The following KIAA1217 variants were observed in gnomAD, a reference collection of about 807,000 sequenced individuals.
The protein encoded by KIAA1217 is KIAA1217.
KIAA1217 carries 88 observed loss-of-function variants against 163.9 expected under a neutral mutation model. The ratio of observed to expected loss-of-function variants is 0.54; its 90% CI spans 0.45 to 0.64. The LOEUF is 0.64. Among genes scored for constraint, KIAA1217 ranks in the 30% least tolerant of loss-of-function variants. KIAA1217 has a pLI of 0.00. For missense variants in KIAA1217, 2,372 were observed against 2,475.0 expected, an observed-to-expected ratio of 0.96 and a Z score of 0.88; for synonymous variants, 903 against 923.1, an observed-to-expected ratio of 0.98 and a Z score of 0.39.
chr10:23,940,749 G>T (rs1258044404), intron 1 of KIAA1217, among the ~76,000 whole-genome samples: 1 of 152,150 alleles, frequency 6.6e-6, no homozygotes, highest in Non-Finnish European at 1.5e-5. Context: ...TATATTCTGT[G>T]ACAAGGGAAT....
chr10:24,293,211 TTTG>T lies in KIAA1217; in HGVS notation c.354+73317_354+73319del, dbSNP rs566985954. On this transcript the variant is annotated intron_variant, in intron 2 of 20. Transcript: ENST00000376454. ...GCATGTGCCACCATGCCCGGCTAAT[TTTG>T]TTGTTGTTGTTGTTTGTTTTGTTTG... is the stretch of plus-strand genomic sequence containing the variant. 6.6e-5 allele frequency among the ~76,000 whole-genome samples: 10 copies of T among 151,992 alleles called. No individual in the cohort carries two copies. In the East Asian group the frequency reaches 1.4e-3, roughly 21 times the overall value.
rs115867091 is a variant in KIAA1217, at chr10:24,545,559, C to T, written c.5335-268C>T. The T allele has an allele frequency of 1.9e-3, 2,521 of 1,349,522 alleles. 40 individuals carry two copies. The African/African-American group carries it at 0.034, about 18-fold the overall frequency. The allele number at this position is 1,349,522 out of a possible 1,614,324, so 83.6% of individuals were successfully genotyped here. A position where few individuals can be genotyped will look rare whatever the true frequency, so the allele number is the denominator to read the frequency against. The stretch of plus-strand genomic sequence containing the variant: ...TTATCCAGACGCATGGCCCACCTGG[C>T]ACACAGGAAATGGTAGAGCTGGAAT... On this transcript the variant is annotated intron_variant, in intron 20 of 20. Transcript: ENST00000376454.
chr10:24,481,697 C>G (rs1163500929), intron 6 of KIAA1217: 1 of 152,136 alleles, frequency 6.6e-6, no homozygotes, highest in Non-Finnish European at 1.5e-5. Flanking sequence ...AATGACAAGC[C>G]TGCCATAATT....
intron 1 of KIAA1217, among the ~76,000 whole-genome samples, chr10:23,792,578 C>T (rs1323353719): frequency 2.0e-5 from 3 of 151,662 alleles, no homozygotes; most frequent in South Asian, 2.1e-4. Context: ...CTGCAAGCTC[C>T]GCCTCCCGGG....
intron 1 of KIAA1217, among the ~76,000 whole-genome samples, chr10:23,951,127 G>C (rs963479035): frequency 6.6e-6 from 1 of 152,270 alleles, no homozygotes; most frequent in Admixed American, 6.5e-5. Context: ...GCTCTGGTGT[G>C]ATCCTGTGGA....
At chr10:23,857,860 T>G (rs992718541) in intron 1 of KIAA1217, among the ~76,000 whole-genome samples, 2 of 152,016 alleles carry the variant, frequency 1.3e-5, no homozygotes, top group Non-Finnish European at 2.9e-5. Flanking sequence ...AAACTATAGA[T>G]ATGGTTGAAA....
At chr10:24,461,870 G>A (rs956289719) in intron 5 of KIAA1217, among the ~76,000 whole-genome samples, 2 of 152,130 alleles carry the variant, frequency 1.3e-5, no homozygotes, top group African/African-American at 2.4e-5. Context: ...AGAGTGCAGC[G>A]ATGGAGACCC....
intron 2 of KIAA1217, among the ~76,000 whole-genome samples, chr10:24,283,282 CT>C (rs1183704739): frequency 3.2e-4 from 48 of 152,152 alleles, no homozygotes; most frequent in Admixed American, 3.1e-3. Context: ...AATATGTAGC[CT>C]TTTCAGAGTG....
At chr10:24,400,743 A>G (rs1370932633) in intron 3 of KIAA1217, among the ~76,000 whole-genome samples, 1 of 152,096 alleles carries the variant, frequency 6.6e-6, no homozygotes, top group Non-Finnish European at 1.5e-5. Flanking sequence ...ATATGAGGAA[A>G]TCTCACAATC....
intron 1 of KIAA1217, among the ~76,000 whole-genome samples, chr10:23,988,137 G>A (rs989710628): frequency 2.0e-5 from 3 of 151,882 alleles, no homozygotes; most frequent in Admixed American, 1.3e-4. Flanking sequence ...ATCTGTCGCA[G>A]GGGCTAGAAG....
intron 2 of KIAA1217, among the ~76,000 whole-genome samples, chr10:24,185,374 G>GC (rs11390072): frequency 0.32 from 48,156 of 151,842 alleles, 8,373 homozygotes; most frequent in South Asian, 0.42. Context: ...GCAAGTCCTC[G>GC]AACTCTTCCT....
chr10:23,714,437 T>A (rs1837447532), intron 1 of KIAA1217, among the ~76,000 whole-genome samples: 1 of 152,060 alleles, frequency 6.6e-6, no homozygotes, highest in Non-Finnish European at 1.5e-5. Context: ...GAGGGTAGCT[T>A]CCATCATATC....
chr10:24,493,066 G>A (rs1042848571), intron 6 of KIAA1217, among the ~76,000 whole-genome samples: 5 of 152,132 alleles, frequency 3.3e-5, no homozygotes, highest in South Asian at 2.1e-4. Flanking sequence ...GGCTGGTCTC[G>A]AAGTTCTGAC....
intron 2 of KIAA1217, among the ~76,000 whole-genome samples, chr10:24,340,033 G>T (rs1287164522): frequency 6.6e-6 from 1 of 152,178 alleles, no homozygotes; most frequent in Non-Finnish European, 1.5e-5. Flanking sequence ...AGGCTGTGTG[G>T]TTCTGTGGGG....
intron 3 of KIAA1217, among the ~76,000 whole-genome samples, chr10:24,429,064 A>G (rs2059388256): frequency 1.3e-5 from 2 of 152,332 alleles, no homozygotes; most frequent in South Asian, 4.1e-4. Flanking sequence ...GGAGGGCTTC[A>G]CTGAGAAACC....
At chr10:23,792,847 C>T (rs1264872248) in intron 1 of KIAA1217, among the ~76,000 whole-genome samples, 4 of 152,048 alleles carry the variant, frequency 2.6e-5, no homozygotes, top group Non-Finnish European at 5.9e-5. Flanking sequence ...AAACTCTAAG[C>T]TTCTGTGGCC....
At chr10:23,773,480 T>A (rs895180452) in intron 1 of KIAA1217, among the ~76,000 whole-genome samples, 10 of 151,814 alleles carry the variant, frequency 6.6e-5, no homozygotes, top group Non-Finnish European at 1.3e-4. Flanking sequence ...TTTAAAGTAG[T>A]TTTTTCCAAT....
chr10:24,507,321 T>A (rs1370667928), intron 9 of KIAA1217, among the ~76,000 whole-genome samples: 1 of 152,072 alleles, frequency 6.6e-6, no homozygotes, highest in Non-Finnish European at 1.5e-5. Flanking sequence ...ATGTGACCTA[T>A]AACATTAAGA....
intron 1 of KIAA1217, among the ~76,000 whole-genome samples, chr10:23,791,727 T>C (rs1221634849): frequency 6.6e-6 from 1 of 152,230 alleles, no homozygotes; most frequent in Non-Finnish European, 1.5e-5. Context: ...AGTAACATAT[T>C]GAAAAATATC....
Sources: allele counts gnomAD v4.1 joint callset (sites outside exome capture counted in the v4.1 genomes callset), GRCh38; gene constraint gnomAD v4.1.1; transcripts MANE v1.5; gene names NCBI Gene and HGNC (gene_info 2026-07-23, HGNC 2026-07-21).